SNX14: variants seen among roughly 807,000 people sequenced by gnomAD.
SNX14 encodes the protein sorting nexin-14.
SNX14 carries 93 observed loss-of-function variants against 133.8 expected under a neutral mutation model. The ratio of observed to expected loss-of-function variants is 0.70; its 90% CI spans 0.59 to 0.83. The LOEUF (loss-of-function observed/expected upper bound fraction) is 0.83, where lower values mean the gene tolerates loss of function less well. SNX14 is among the 40% of genes least tolerant of loss of function. SNX14 has a pLI of 0.00. For synonymous variants in SNX14, 368 were observed against 365.6 expected (o/e 1.01, Z -0.07); for missense variants, 945 against 1,094.9 (o/e 0.86, Z 1.93).
chr6:85,545,176 ACT>A (rs1292857173), intron 12 of SNX14, among the ~76,000 whole-genome samples: 1 of 152,148 alleles, frequency 6.6e-6, no homozygotes. Context: ...AACAGAACAC[ACT>A]CAAAAAAATA....
At chr6:85,511,999 C>T (rs1432651467) in intron 26 of SNX14, among the ~76,000 whole-genome samples, 1 of 152,138 alleles carries the variant, frequency 6.6e-6, no homozygotes, top group African/African-American at 2.4e-5. Context: ...TGAGCTTGTA[C>T]CACTGAACTG....
At chr6:85,532,952 T>C (rs190649701) in intron 18 of SNX14, among the ~76,000 whole-genome samples, 6 of 152,228 alleles carry the variant, frequency 3.9e-5, no homozygotes, top group Admixed American at 3.3e-4. Context: ...AGTCACACGA[T>C]CTCGACTCAC....
At chr6:85,554,507 A>C (rs1295826942) in intron 7 of SNX14, among the ~76,000 whole-genome samples, 1 of 152,140 alleles carries the variant, frequency 6.6e-6, no homozygotes, top group Non-Finnish European at 1.5e-5. Context: ...CTTAGAAAAC[A>C]AATTTATACA....
chr6:85,528,441 T>G, intron 19 of SNX14, 79 bp from the exon 20 acceptor site: 1 of 1,083,814 alleles, frequency 9.2e-7, no homozygotes, highest in Non-Finnish European at 1.3e-6. Context: ...TAAAATTTAC[T>G]ATGGCACATT....
chr6:85,567,353 G>A (rs1794213119), intron 5 of SNX14, among the ~76,000 whole-genome samples, 181 bp downstream of exon 5: 1 of 128,766 alleles, frequency 7.8e-6, no homozygotes, highest in Non-Finnish European at 1.6e-5. Context: ...GGAGAGGTCA[G>A]GGGTGCTAAT....
At chr6:85,570,839 C>T (rs529727695) in intron 4 of SNX14, among the ~76,000 whole-genome samples, 19 of 151,658 alleles carry the variant, frequency 1.3e-4, no homozygotes, top group Non-Finnish European at 1.3e-4. Context: ...GGTGACAGAG[C>T]GAGATTCCGT....
At chr6:85,510,782 G>A (rs1329060512) in intron 26 of SNX14, among the ~76,000 whole-genome samples, 3 of 152,140 alleles carry the variant, frequency 2.0e-5, no homozygotes, top group Admixed American at 1.3e-4. Context: ...AACAGTTGCT[G>A]TAAGTCTGTT....
rs936843937 is a variant in SNX14 at position 85,514,180 on chromosome 6, C to T, written c.2447G>A (p.Arg816Gln). 5.6e-6 allele frequency: 9 copies of T among 1,613,788 alleles called. No homozygotes were observed. Among genetic ancestry groups the T allele is most frequent in the East Asian group, 4.5e-5 (2 of 44,852 alleles). Residue 816 changes from arginine (R) to glutamine (Q), a missense_variant, in exon 25 of 29, where the codon CGA becomes CAA. By Grantham distance (43) the Arg-to-Gln change is conservative. Coordinates refer to ENST00000314673, the MANE Select transcript of SNX14 (RefSeq NM_153816.6). The part of the protein sequence containing the change: ...DWLHHLLMGT[R>Q]ILFKNTLEMY... ...TTCCAGGGTGTTTTTAAAGAGGATTCGAGTTCCCATTAAGAGATGATGAAG... is the reference window on the plus strand; with the variant it reads ...TTCCAGGGTGTTTTTAAAGAGGATTTGAGTTCCCATTAAGAGATGATGAAG...
Position 85,572,179 on chromosome 6 carries a change from T to C in SNX14, c.375A>G (p.Leu125=), listed in dbSNP as rs756982356. ...CAACCTTGGAAGAAATTTTCAGGTC[T>C]AGCCATGGCTGGTAGTTTTCAAGTA... ...SLLLENYQPW[L]DLKISSKVDA... Residue 125 remains leucine, a synonymous_variant, in exon 4 of 29, where the codon CTA becomes CTG. Transcript: ENST00000314673. 4.3e-6 allele frequency: 7 copies of C among 1,613,864 alleles called. No individual in the cohort carries two copies. The South Asian group carries it at 6.6e-5, about 15-fold the overall frequency.
Position 85,536,930 on chromosome 6 carries a change from T to C in SNX14, c.1476-6A>G. On this transcript the variant is annotated splice_region_variant and splice_polypyrimidine_tract_variant and intron_variant, in intron 16 of 28. Transcript: ENST00000314673. ...CTCCCCTTTTCTGTGTGTTCCTGAA[T>C]ATTAAACAAAAATGTATCAAGTACA... 5 of 1,610,544 alleles carry C rather than the reference T, an allele frequency of 3.1e-6. No individual in the cohort carries two copies. Among genetic ancestry groups the C allele is most frequent in the Non-Finnish European group, 4.2e-6 (5 of 1,178,694 alleles).
intron 20 of SNX14, among the ~76,000 whole-genome samples, chr6:85,527,042 C>CT (rs1429859785): frequency 6.6e-6 from 1 of 151,780 alleles, no homozygotes; most frequent in Admixed American, 6.6e-5. Context: ...GCGCTCCAGC[C>CT]TAGATGACAA....
At chr6:85,562,958 A>T (rs1464960815) in intron 6 of SNX14, among the ~76,000 whole-genome samples, 4 of 152,114 alleles carry the variant, frequency 2.6e-5, no homozygotes, top group Non-Finnish European at 2.9e-5. Flanking sequence ...ACCAATTTGA[A>T]TTTGAACTTG....
chr6:85,537,073 G>C lies in SNX14; in HGVS notation c.1476-149C>G, dbSNP rs112725841. The stretch of plus-strand genomic sequence containing the variant: ...CATAACTTTTGGAGTTTTCATACAC[G>C]GATTAAGTATCAACATCTCAGAAGT... On this transcript the variant is annotated intron_variant, in intron 16 of 28. Transcript: ENST00000314673. 7.8e-4 allele frequency: 531 copies of C among 677,912 alleles called. 9 individuals carry two copies. In the African/African-American group the frequency reaches 8.7e-3, roughly 11 times the overall value. The allele number at this position is 677,912 out of a possible 1,614,324, so 42.0% of individuals were successfully genotyped here.
intron 21 of SNX14, among the ~76,000 whole-genome samples, chr6:85,520,598 TC>T (rs766148857): frequency 1.8e-4 from 27 of 152,140 alleles, no homozygotes; most frequent in Non-Finnish European, 3.2e-4. Flanking sequence ...GTTCAAGTGA[TC>T]CATCTGCCTC....
chr6:85,505,869 G>T lies in SNX14; in HGVS notation c.*98C>A. The T allele has an allele frequency of 1.3e-6, 1 of 769,906 alleles. No individual in the cohort carries two copies. 47.7% of individuals were successfully genotyped at this position (769,906 alleles called of 1,614,324 possible). ...AATAACTAAAATTTCAGACAGCGAT[G>T]TACATAATATATATAAGAATATACC... On this transcript the variant is annotated 3_prime_UTR_variant, in exon 29 of 29. Coordinates refer to ENST00000314673, the MANE Select transcript of SNX14 (RefSeq NM_153816.6).
intron 7 of SNX14, among the ~76,000 whole-genome samples, chr6:85,554,820 T>A (rs1789097704): frequency 6.6e-6 from 1 of 152,074 alleles, no homozygotes; most frequent in South Asian, 2.1e-4. Flanking sequence ...ATTCTCCTTT[T>A]TTCTTTCTTC....
Position 85,525,990 on chromosome 6 carries a change from A to G in SNX14, c.2107+136T>C, listed in dbSNP as rs903902828. On this transcript the variant is annotated intron_variant, in intron 21 of 28. Transcript: ENST00000314673. ...ATGGACAGATTAAGGTCAGCATCTG[A>G]CAATTTATCTCTAAATGCAGAAATA... 3.1e-5 allele frequency: 16 copies of G among 513,312 alleles called. No homozygotes were observed. In the Admixed American group the frequency reaches 6.7e-4, roughly 22 times the overall value. 31.8% of individuals were successfully genotyped at this position (513,312 alleles called of 1,614,324 possible). A position where few individuals can be genotyped will look rare whatever the true frequency, so the allele number is the denominator to read the frequency against.
At chr6:85,506,330 T>C (rs955664827) in intron 28 of SNX14, among the ~76,000 whole-genome samples, 15 of 152,090 alleles carry the variant, frequency 9.9e-5, no homozygotes, top group Admixed American at 3.3e-4. Context: ...ATTTTTTTTT[T>C]TTTTTAGATG....
At chr6:85,587,077 T>C (rs1339844268) in intron 1 of SNX14, among the ~76,000 whole-genome samples, 2 of 151,834 alleles carry the variant, frequency 1.3e-5, no homozygotes, top group African/African-American at 2.4e-5. Flanking sequence ...ACAGTGTTTT[T>C]CTATGTTGCC....
Sources: allele counts gnomAD v4.1 joint callset (sites outside exome capture counted in the v4.1 genomes callset), GRCh38; gene constraint gnomAD v4.1.1; transcripts MANE v1.5; gene names NCBI Gene and HGNC (gene_info 2026-07-23, HGNC 2026-07-21).